SCAMP1: variants seen among roughly 807,000 people sequenced by gnomAD.
The protein encoded by SCAMP1 is secretory carrier membrane protein 1.
SCAMP1 carries 15 observed loss-of-function variants against 41.8 expected under a neutral mutation model. The ratio of observed to expected loss-of-function variants is 0.36; its 90% CI spans 0.24 to 0.55. The LOEUF (loss-of-function observed/expected upper bound fraction) is 0.55, where lower values mean the gene tolerates loss of function less well. SCAMP1 is among the 20% of genes least tolerant of loss of function. The pLI is 0.86. For synonymous variants in SCAMP1, 135 were observed against 136.8 expected, an observed-to-expected ratio of 0.99 and a Z score of 0.09; for missense variants, 341 against 412.6, an observed-to-expected ratio of 0.83 and a Z score of 1.50.
At chr5:78,454,535 A>G (rs1458539441) in intron 7 of SCAMP1, among the ~76,000 whole-genome samples, 3 of 151,866 alleles carry the variant, frequency 2.0e-5, no homozygotes, top group Middle Eastern at 3.2e-3. Context: ...GATGAAGCCC[A>G]CTTGATCATG....
intron 6 of SCAMP1, among the ~76,000 whole-genome samples, chr5:78,442,671 C>G: frequency 6.6e-6 from 1 of 152,086 alleles, no homozygotes; most frequent in East Asian, 1.9e-4. Context: ...TTTTTTTGTT[C>G]AAAGGTAATT....
intron 6 of SCAMP1, among the ~76,000 whole-genome samples, chr5:78,443,508 T>C (rs1230431149): frequency 1.3e-5 from 2 of 152,094 alleles, no homozygotes; most frequent in African/African-American, 4.8e-5. Context: ...CTAGGTTTGA[T>C]ATTGTTCAGG....
chr5:78,380,826 G>A (rs975237475), intron 1 of SCAMP1, among the ~76,000 whole-genome samples: 3 of 152,222 alleles, frequency 2.0e-5, no homozygotes, highest in Non-Finnish European at 4.4e-5. Context: ...AGCACTTTGG[G>A]AGGCCGAGGC....
intron 1 of SCAMP1, among the ~76,000 whole-genome samples, chr5:78,367,827 G>A (rs933550298): frequency 6.6e-6 from 1 of 152,176 alleles, no homozygotes; most frequent in Non-Finnish European, 1.5e-5. Flanking sequence ...AGCCAGGCAC[G>A]TGTTGTTAGG....
chr5:78,448,950 A>G (rs568445398), intron 6 of SCAMP1, among the ~76,000 whole-genome samples: 2 of 152,124 alleles, frequency 1.3e-5, no homozygotes, highest in East Asian at 3.9e-4. Context: ...TGGTGAGCCA[A>G]GATTGCGCCA....
At chr5:78,447,803 T>TTCC (rs1753088485) in intron 6 of SCAMP1, among the ~76,000 whole-genome samples, 3 of 135,898 alleles carry the variant, frequency 2.2e-5, no homozygotes, top group Admixed American at 7.3e-5. Context: ...CTTCTTCTTC[T>TTCC]TCCTCCTCCC....
chr5:78,388,876 G>GGACTT lies in SCAMP1; in HGVS notation c.100_104dup (p.Glu36LeufsTer18). On this transcript the variant is annotated frameshift_variant, in exon 2 of 9. Transcript: ENST00000621999. LOFTEE classifies it high-confidence loss of function. ...ACAAGTGACAAGAAATGTTCCACCAGGACTTGATGAATATAATCCATTCTC... is the reference window on the plus strand; with the variant it reads ...ACAAGTGACAAGAAATGTTCCACCAGGACTTGACTTGATGAATATAATCCATTCTC... 1 of 1,563,470 alleles carries GGACTT rather than the reference G, an allele frequency of 6.4e-7. No homozygotes were observed. The highest frequency in any genetic ancestry group is 8.8e-7 in the Non-Finnish European group (1 of 1,138,978).
chr5:78,439,781 G>A (rs1299958279), intron 6 of SCAMP1, among the ~76,000 whole-genome samples: 1 of 152,094 alleles, frequency 6.6e-6, no homozygotes, highest in African/African-American at 2.4e-5. Context: ...GGTTGGGGAA[G>A]TTTTCCTGGA....
intron 7 of SCAMP1, among the ~76,000 whole-genome samples, chr5:78,454,316 G>A (rs1489430177): frequency 6.6e-6 from 1 of 152,170 alleles, no homozygotes; most frequent in Admixed American, 6.5e-5. Context: ...ATTGGCTGTG[G>A]GGTTGTCATA....
chr5:78,425,446 G>T (rs1212710426), intron 6 of SCAMP1, among the ~76,000 whole-genome samples: 1 of 152,044 alleles, frequency 6.6e-6, no homozygotes, highest in Non-Finnish European at 1.5e-5. Flanking sequence ...CATAATTTTA[G>T]TTTTTCATAT....
chr5:78,450,065 T>G, intron 7 of SCAMP1, 31 bp downstream of exon 7: 1 of 1,178,408 alleles, frequency 8.5e-7, no homozygotes, highest in Non-Finnish European at 1.2e-6. Context: ...GTTTTCAGCT[T>G]TAATCTAATA....
chr5:78,363,183 C>T (rs1454685037), intron 1 of SCAMP1, among the ~76,000 whole-genome samples: 1 of 145,494 alleles, frequency 6.9e-6, no homozygotes, highest in Non-Finnish European at 1.5e-5. Context: ...GGAGCCACTG[C>T]GTTCAAGCAG....
intron 4 of SCAMP1, among the ~76,000 whole-genome samples, chr5:78,418,335 T>C (rs1241488258): frequency 6.6e-6 from 1 of 152,132 alleles, no homozygotes; most frequent in Non-Finnish European, 1.5e-5. Context: ...CCACTTGAGA[T>C]AGGAATTATA....
chr5:78,381,202 G>A (rs947292108), intron 1 of SCAMP1, among the ~76,000 whole-genome samples: 9 of 152,240 alleles, frequency 5.9e-5, no homozygotes, highest in Admixed American at 2.6e-4. Flanking sequence ...AACATTGAGC[G>A]TGGAGTGGAG....
intron 4 of SCAMP1, 44 bp downstream of exon 4, chr5:78,416,693 T>C (rs1386935664): frequency 7.1e-7 from 1 of 1,404,446 alleles, no homozygotes; most frequent in African/African-American, 1.4e-5. Context: ...TTTTAAATAC[T>C]TTACATTATG....
At chr5:78,431,278 C>CT (rs771462979) in intron 6 of SCAMP1, among the ~76,000 whole-genome samples, 270 of 140,012 alleles carry the variant, frequency 1.9e-3, no homozygotes, top group Middle Eastern at 7.7e-3. Context: ...TGCTTTTGTA[C>CT]TTTTTTTTTT....
At chr5:78,416,453 CATAGT>C (rs1752209705) in intron 3 of SCAMP1, 83 bp from the exon 4 acceptor site, 3 of 914,310 alleles carry the variant, frequency 3.3e-6, no homozygotes, top group East Asian at 2.8e-5. Context: ...AGGTTTCTCT[CATAGT>C]AGAGAAGTAG....
At chr5:78,433,068 CA>C (rs1752661586) in intron 6 of SCAMP1, among the ~76,000 whole-genome samples, 2 of 152,166 alleles carry the variant, frequency 1.3e-5, no homozygotes, top group Middle Eastern at 3.4e-3. Context: ...TCATTTCTAC[CA>C]TATCCATTTG....
intron 2 of SCAMP1, among the ~76,000 whole-genome samples, chr5:78,402,686 T>G (rs1163778490): frequency 6.6e-6 from 1 of 152,252 alleles, no homozygotes; most frequent in African/African-American, 2.4e-5. Flanking sequence ...TATTTATATT[T>G]AAAGTGGGTT....
Sources: gnomAD v4.1 joint callset for allele counts (sites outside exome capture counted in the v4.1 genomes callset) on GRCh38, gnomAD v4.1.1 for gene constraint, MANE v1.5 for transcripts, NCBI Gene and HGNC (gene_info 2026-07-23, HGNC 2026-07-21) for gene names.